DPY19L1: variants seen among roughly 807,000 people sequenced by gnomAD.
DPY19L1 encodes dpy-19 like C-mannosyltransferase 1.
DPY19L1 carries 35 observed loss-of-function variants against 96.9 expected under a neutral mutation model. The ratio of observed to expected loss-of-function variants is 0.36; its 90% confidence interval spans 0.28 to 0.48. The LOEUF (loss-of-function observed/expected upper bound fraction) is 0.48. DPY19L1 is among the 20% of genes least tolerant of loss of function. The pLI is 0.99. For missense variants in DPY19L1, 521 were observed against 777.9 expected (o/e 0.67, Z 3.93); for synonymous variants, 205 against 252.6 (o/e 0.81, Z 1.79).
chr7:35,018,616 T>G lies in DPY19L1; in HGVS notation c.299-20A>C. 2 of 1,602,674 alleles carry G rather than the reference T, an allele frequency of 1.2e-6. No homozygotes were observed. The highest frequency in any genetic ancestry group is 1.7e-6 in the Non-Finnish European group (2 of 1,173,440). On this transcript the variant is annotated intron_variant, in intron 1 of 21. Coordinates refer to ENST00000638088, the MANE Select transcript of DPY19L1 (RefSeq NM_001366673.1). ...AAACAGCTGTAAGAAAAAAGAAATT[T>G]AAATTAGAATTTTAGCATAAACATG...
At chr7:34,943,358 A>G (rs546729230) in intron 16 of DPY19L1, among the ~76,000 whole-genome samples, 7 of 152,328 alleles carry the variant, frequency 4.6e-5, no homozygotes, top group African/African-American at 1.7e-4. Context: ...TATGCTTAGT[A>G]CATTCCATTA....
chr7:34,963,409 G>A (rs552810418), intron 10 of DPY19L1, among the ~76,000 whole-genome samples: 16 of 152,246 alleles, frequency 1.1e-4, no homozygotes, highest in African/African-American at 3.8e-4. Context: ...CCGCTACTAT[G>A]GAAAAGTTTG....
intron 6 of DPY19L1, among the ~76,000 whole-genome samples, chr7:34,997,196 CATACT>C (rs1432866234): frequency 6.6e-6 from 1 of 151,416 alleles, no homozygotes; most frequent in East Asian, 1.9e-4. Flanking sequence ...TCAATTTATG[CATACT>C]AAATAAAAAT....
At chr7:35,031,613 A>C (rs1409376926) in intron 1 of DPY19L1, among the ~76,000 whole-genome samples, 1 of 152,204 alleles carries the variant, frequency 6.6e-6, no homozygotes. Flanking sequence ...CCAAATACCC[A>C]TATGTACATA....
chr7:34,954,891 GAGAAAATGCT>G, intron 12 of DPY19L1, 113 bp from the exon 13 acceptor site: 1 of 482,786 alleles, frequency 2.1e-6, no homozygotes, highest in Non-Finnish European at 3.7e-6. Context: ...CTATCTACAA[GAGAAAATGCT>G]AGAAAATGCA....
intron 11 of DPY19L1, among the ~76,000 whole-genome samples, chr7:34,955,868 A>T (rs1784367550): frequency 6.6e-6 from 1 of 152,232 alleles, no homozygotes; most frequent in Non-Finnish European, 1.5e-5. Flanking sequence ...AAATATGATT[A>T]GAGATCAAAA....
intron 1 of DPY19L1, among the ~76,000 whole-genome samples, chr7:35,018,907 T>C (rs1019472988): frequency 5.9e-5 from 9 of 152,012 alleles, no homozygotes; most frequent in African/African-American, 2.2e-4. Flanking sequence ...AATCAACAGG[T>C]AAGGATAACT....
At chr7:35,019,135 C>T (rs185536645) in intron 1 of DPY19L1, among the ~76,000 whole-genome samples, 1 of 152,032 alleles carries the variant, frequency 6.6e-6, no homozygotes, top group Admixed American at 6.5e-5. Flanking sequence ...AAAATCAATA[C>T]CTTGCTATCT....
chr7:34,937,020 T>C (rs1213080423), intron 21 of DPY19L1, among the ~76,000 whole-genome samples: 2 of 152,234 alleles, frequency 1.3e-5, no homozygotes, highest in Admixed American at 6.5e-5. Flanking sequence ...TCTGATAAAA[T>C]TGTTCCTGTA....
chr7:35,023,833 C>CTTTTTTTTTTTTTTTTTTTTT (rs755619806), intron 1 of DPY19L1, among the ~76,000 whole-genome samples: 3 of 111,808 alleles, frequency 2.7e-5, no homozygotes, highest in Non-Finnish European at 3.6e-5. Context: ...CTTTTCTTTT[C>CTTTTTTTTTTTTTTTTTTTTT]TTTTTTTTTT....
chr7:34,976,219 A>C (rs1296999084), intron 7 of DPY19L1, among the ~76,000 whole-genome samples: 1 of 152,206 alleles, frequency 6.6e-6, no homozygotes, highest in Non-Finnish European at 1.5e-5. Context: ...GGAGGCCAAA[A>C]TATCATCATT....
rs1317206902 is a variant in DPY19L1 at position 35,013,768 on chromosome 7, G to T, written c.412-63C>A. On this transcript the variant is annotated intron_variant, in intron 3 of 21. Transcript: ENST00000638088. ...TACATAATTATGATGCCACTTCTAA[G>T]TAAATACACTGTTTTTGAAAAACAA... 24 of 1,308,686 alleles carry T rather than the reference G, an allele frequency of 1.8e-5. No individual in the cohort carries two copies. In the East Asian group the frequency reaches 5.7e-4, roughly 31 times the overall value. 81.1% of individuals were successfully genotyped at this position (1,308,686 alleles called of 1,614,324 possible).
intron 18 of DPY19L1, 43 bp from the exon 19 acceptor site, chr7:34,940,370 T>C (rs1584201049): frequency 6.5e-7 from 1 of 1,548,114 alleles, no homozygotes; most frequent in Non-Finnish European, 8.7e-7. Flanking sequence ...TTAGTATAAG[T>C]AGTATGCATC....
chr7:34,965,582 T>C (rs1253398789), intron 10 of DPY19L1, among the ~76,000 whole-genome samples: 2 of 152,206 alleles, frequency 1.3e-5, no homozygotes, highest in Non-Finnish European at 2.9e-5. Flanking sequence ...TAAAGTTCTA[T>C]TATCCATTTG....
chr7:34,987,915 C>T (rs1785084432), intron 7 of DPY19L1: 1 of 151,880 alleles, frequency 6.6e-6, no homozygotes, highest in Non-Finnish European at 1.5e-5. Flanking sequence ...GTAAAATTAT[C>T]TACTTGACTA....
At chr7:34,966,167 A>G (rs1288497486) in intron 10 of DPY19L1, among the ~76,000 whole-genome samples, 2 of 151,634 alleles carry the variant, frequency 1.3e-5, no homozygotes, top group Non-Finnish European at 2.9e-5. Context: ...CTAACATCCT[A>G]CATAATTTAC....
chr7:35,009,115 ATATTTTACATTGATCTTCTAACAGCTT>A (rs1487874634), intron 6 of DPY19L1, among the ~76,000 whole-genome samples: 1 of 152,202 alleles, frequency 6.6e-6, no homozygotes, highest in Non-Finnish European at 1.5e-5. Context: ...ATATGCAAAT[ATATTTTACATTGATCTTCTAACAGCTT>A]CCTCTTTTGA....
rs11302257 is a variant in DPY19L1 at position 34,963,990 on chromosome 7, AT to A, written c.1092+2903del. 5.8e-3 allele frequency among the ~76,000 whole-genome samples: 886 copies of A among 152,280 alleles called. 10 individuals carry two copies. The highest frequency in any genetic ancestry group is 0.02 in the African/African-American group (826 of 41,544). On this transcript the variant is annotated intron_variant, in intron 10 of 21. Transcript: ENST00000638088. ...AAGTTTCAGTTTTGCAAGATGAAAA[AT>A]GTTCTGGAAATAGGTGGTGGTGATG...
chr7:34,955,993 T>C (rs550759955), intron 11 of DPY19L1, among the ~76,000 whole-genome samples: 1 of 152,294 alleles, frequency 6.6e-6, no homozygotes, highest in Non-Finnish European at 1.5e-5. Flanking sequence ...CAAATGTGTG[T>C]TTATAGTTAA....
Sources: gnomAD v4.1 joint callset for allele counts (sites outside exome capture counted in the v4.1 genomes callset) on GRCh38, gnomAD v4.1.1 for gene constraint, MANE v1.5 for transcripts, NCBI Gene and HGNC (gene_info 2026-07-23, HGNC 2026-07-21) for gene names.